NBEA: variants seen among roughly 807,000 people sequenced by gnomAD.
NBEA encodes neurobeachin.
Under a neutral mutation model 343.4 loss-of-function variants are expected in NBEA, and 44 were observed. That is an observed-to-expected ratio of 0.13 (90% CI 0.10 to 0.16). The LOEUF (loss-of-function observed/expected upper bound fraction) is 0.16. NBEA is among the 10% of genes least tolerant of loss of function. The probability of loss-of-function intolerance (pLI) is 1.00; values close to 1 mark genes in which losing one functional copy is unlikely to be tolerated. For synonymous variants in NBEA, 1,175 were observed against 1,238.7 expected, an observed-to-expected ratio of 0.95 and a Z score of 1.08; for missense variants, 2,555 against 3,631.3, an observed-to-expected ratio of 0.70 and a Z score of 7.62.
At chr13:35,496,989 C>T (rs1027052826) in intron 41 of NBEA, among the ~76,000 whole-genome samples, 20 of 152,066 alleles carry the variant, frequency 1.3e-4, no homozygotes, top group African/African-American at 4.8e-4. Context: ...CATGAAGCAA[C>T]TCTTTCTCCT....
At chr13:35,267,828 TAAAA>T (rs1218003591) in intron 34 of NBEA, among the ~76,000 whole-genome samples, 2 of 140,654 alleles carry the variant, frequency 1.4e-5, no homozygotes, top group Non-Finnish European at 3.1e-5. Flanking sequence ...GGGTACTATT[TAAAA>T]AAAAAAAAAG....
chr13:35,190,244 C>CT (rs967428683), intron 30 of NBEA, among the ~76,000 whole-genome samples: 2 of 152,038 alleles, frequency 1.3e-5, no homozygotes, highest in African/African-American at 4.8e-5. Context: ...GTTGCAACTG[C>CT]TCGAAGTGAC....
chr13:35,000,258 T>C (rs1024375317), intron 1 of NBEA, among the ~76,000 whole-genome samples: 2 of 152,098 alleles, frequency 1.3e-5, no homozygotes, highest in African/African-American at 4.8e-5. Flanking sequence ...ATACAGGATG[T>C]AATGATGCAC....
intron 38 of NBEA, among the ~76,000 whole-genome samples, chr13:35,361,281 A>G (rs528689765): frequency 6.6e-6 from 1 of 152,236 alleles, no homozygotes; most frequent in Admixed American, 6.5e-5. Flanking sequence ...AAGTATTAAG[A>G]GAAGTCTTCA....
intron 1 of NBEA, among the ~76,000 whole-genome samples, chr13:35,006,178 G>A (rs936097800): frequency 6.6e-6 from 1 of 151,920 alleles, no homozygotes; most frequent in African/African-American, 2.4e-5. Context: ...TATTTGTCAT[G>A]TCGGTTCAGT....
At chr13:35,212,791 A>G (rs760280920) in intron 33 of NBEA, among the ~76,000 whole-genome samples, 3 of 152,034 alleles carry the variant, frequency 2.0e-5, no homozygotes, top group South Asian at 2.1e-4. Context: ...ATGAGGTTGA[A>G]TACTTTTTAA....
intron 49 of NBEA, among the ~76,000 whole-genome samples, chr13:35,642,424 G>T (rs2084006782): frequency 6.6e-6 from 1 of 152,110 alleles, no homozygotes; most frequent in African/African-American, 2.4e-5. Context: ...CAAAGTTTTA[G>T]TCTCTTTCCA....
intron 11 of NBEA, among the ~76,000 whole-genome samples, chr13:35,104,975 A>T (rs1031973414): frequency 6.6e-6 from 1 of 152,040 alleles, no homozygotes; most frequent in Non-Finnish European, 1.5e-5. Context: ...CAGGGAACAG[A>T]TGGCATACTC....
chr13:35,625,043 C>T (rs903857897), intron 48 of NBEA, among the ~76,000 whole-genome samples: 2 of 151,874 alleles, frequency 1.3e-5, no homozygotes, highest in African/African-American at 4.8e-5. Context: ...TAAGACTGGA[C>T]CCATATCTAA....
chr13:35,012,051 T>C (rs2061507849), intron 1 of NBEA, among the ~76,000 whole-genome samples: 1 of 152,214 alleles, frequency 6.6e-6, no homozygotes, highest in Non-Finnish European at 1.5e-5. Flanking sequence ...TGGCTGCCCA[T>C]GTCATACTGG....
chr13:35,541,871 G>T (rs1041779747), intron 41 of NBEA, among the ~76,000 whole-genome samples: 2 of 151,780 alleles, frequency 1.3e-5, no homozygotes, highest in Admixed American at 6.6e-5. Context: ...AGCATTTTTT[G>T]AAAAGAGCTA....
chr13:35,014,591 G>T (rs1457709274), intron 1 of NBEA, among the ~76,000 whole-genome samples: 2 of 152,162 alleles, frequency 1.3e-5, no homozygotes, highest in Admixed American at 6.5e-5. Flanking sequence ...AAAGGTTTTA[G>T]CAGAATCTCT....
intron 38 of NBEA, among the ~76,000 whole-genome samples, chr13:35,408,400 T>A (rs2043394669): frequency 6.6e-6 from 1 of 152,078 alleles, no homozygotes; most frequent in African/African-American, 2.4e-5. Context: ...CCCAAAACTA[T>A]AAAAACCTTG....
At chr13:35,487,808 G>T (rs527762647) in intron 41 of NBEA, among the ~76,000 whole-genome samples, 1 of 151,754 alleles carries the variant, frequency 6.6e-6, no homozygotes, top group African/African-American at 2.4e-5. Context: ...ACATACTCCA[G>T]TCTTTCAGCT....
At chr13:35,577,609 C>T (rs959943234) in intron 45 of NBEA, among the ~76,000 whole-genome samples, 2 of 151,884 alleles carry the variant, frequency 1.3e-5, no homozygotes, top group Admixed American at 1.3e-4. Context: ...TCGATTTTTG[C>T]ATAAAATTTT....
At chr13:35,512,378 TG>T (rs2152987287) in intron 41 of NBEA, among the ~76,000 whole-genome samples, 1 of 152,336 alleles carries the variant, frequency 6.6e-6, no homozygotes, top group Non-Finnish European at 1.5e-5. Context: ...TTAAAATCTT[TG>T]GTTGCATGGA....
intron 48 of NBEA, among the ~76,000 whole-genome samples, chr13:35,619,271 C>T (rs1324972086): frequency 6.6e-6 from 1 of 151,960 alleles, no homozygotes; most frequent in Non-Finnish European, 1.5e-5. Context: ...TTGTGCTGAA[C>T]CCCTATTAAC....
chr13:35,102,378 A>G (rs1480925988), intron 11 of NBEA, among the ~76,000 whole-genome samples: 1 of 151,686 alleles, frequency 6.6e-6, no homozygotes, highest in Non-Finnish European at 1.5e-5. Flanking sequence ...GTTGTTCTTG[A>G]AGATTGCCTT....
At chr13:35,528,904 T>C (rs1280446286) in intron 41 of NBEA, among the ~76,000 whole-genome samples, 1 of 152,200 alleles carries the variant, frequency 6.6e-6, no homozygotes, top group East Asian at 1.9e-4. Flanking sequence ...GATTAAAGAC[T>C]TATTCTTCAT....
Sources: allele counts gnomAD v4.1 joint callset (sites outside exome capture counted in the v4.1 genomes callset), GRCh38; gene constraint gnomAD v4.1.1; transcripts MANE v1.5; gene names NCBI Gene and HGNC (gene_info 2026-07-23, HGNC 2026-07-21).